The following CFAP299 variants were observed in gnomAD, a reference collection of about 807,000 sequenced individuals.
CFAP299 encodes the protein cilia and flagella associated protein 299, also known as cilia- and flagella-associated protein 299.
In CFAP299, 21 loss-of-function variants were observed where a neutral mutation model predicts 27.0. That is an observed-to-expected ratio of 0.78 (90% CI 0.55 to 1.12). CFAP299 has a LOEUF of 1.12. CFAP299 is among the 50% of genes most tolerant of loss of function. CFAP299 has a pLI of 0.00. For synonymous variants in CFAP299, 104 were observed against 98.1 expected, an observed-to-expected ratio of 1.06 and a Z score of -0.36; for missense variants, 310 against 276.6, an observed-to-expected ratio of 1.12 and a Z score of -0.86.
chr4:80,723,276 ATAC>A (rs1722944747), intron 3 of CFAP299, among the ~76,000 whole-genome samples: 1 of 152,234 alleles, frequency 6.6e-6, no homozygotes, highest in Admixed American at 6.5e-5. Context: ...ATATATGCTC[ATAC>A]AATGATTTGT....
chr4:80,687,670 T>C (rs1429723556), intron 3 of CFAP299, among the ~76,000 whole-genome samples: 3 of 152,150 alleles, frequency 2.0e-5, no homozygotes, highest in African/African-American at 7.2e-5. Context: ...GAGCAGGGCA[T>C]TCTGGAGGGA....
intron 3 of CFAP299, among the ~76,000 whole-genome samples, chr4:80,770,569 C>T (rs542952091): frequency 6.6e-6 from 1 of 152,300 alleles, no homozygotes; most frequent in East Asian, 1.9e-4. Flanking sequence ...TTCCAAACAT[C>T]CCCTCAAGAG....
At chr4:80,753,496 G>A (rs977439878) in intron 3 of CFAP299, among the ~76,000 whole-genome samples, 1 of 151,922 alleles carries the variant, frequency 6.6e-6, no homozygotes, top group Non-Finnish European at 1.5e-5. Context: ...TGTCATGATT[G>A]GTGTGCTCTG....
At chr4:80,536,524 A>G (rs1221493577) in intron 2 of CFAP299, among the ~76,000 whole-genome samples, 1 of 152,186 alleles carries the variant, frequency 6.6e-6, no homozygotes, top group African/African-American at 2.4e-5. Flanking sequence ...AGATATAAAA[A>G]TCAATGGAAG....
intron 4 of CFAP299, among the ~76,000 whole-genome samples, chr4:80,898,290 A>G (rs2110192675): frequency 6.6e-6 from 1 of 152,204 alleles, no homozygotes; most frequent in East Asian, 1.9e-4. Context: ...GGGATGGGGC[A>G]GGATGGCAAT....
intron 1 of CFAP299, among the ~76,000 whole-genome samples, chr4:80,345,789 C>T (rs1219374010): frequency 6.6e-6 from 1 of 152,144 alleles, no homozygotes; most frequent in Non-Finnish European, 1.5e-5. Flanking sequence ...GGTATGTACC[C>T]AGTAATGGGA....
the CFAP299 span, among the ~76,000 whole-genome samples, chr4:80,327,690 T>TTATA: frequency 0.037 from 1,902 of 50,794 alleles, 106 homozygotes; most frequent in African/African-American, 0.058. Flanking sequence ...TAGAGAGAAG[T>TTATA]TATATATATA....
chr4:80,675,297 G>A (rs1719364589), intron 3 of CFAP299, among the ~76,000 whole-genome samples: 2 of 152,192 alleles, frequency 1.3e-5, no homozygotes, highest in African/African-American at 4.8e-5. Flanking sequence ...CTGCAGGTCT[G>A]TTGGAGTTTG....
At chr4:80,918,675 C>T (rs1183309657) in intron 4 of CFAP299, among the ~76,000 whole-genome samples, 4 of 151,968 alleles carry the variant, frequency 2.6e-5, no homozygotes, top group African/African-American at 7.2e-5. Context: ...ATATTTGTTG[C>T]CGATCATATC....
At chr4:80,675,984 C>T (rs11722707) in intron 3 of CFAP299, among the ~76,000 whole-genome samples, 118 of 152,280 alleles carry the variant, frequency 7.7e-4, no homozygotes, top group Middle Eastern at 3.4e-3. Context: ...TCCCCCAACC[C>T]CTTGTGCTTC....
At chr4:80,800,264 A>C (rs1728364525) in intron 3 of CFAP299, among the ~76,000 whole-genome samples, 1 of 66,410 alleles carries the variant, frequency 1.5e-5, no homozygotes, top group Non-Finnish European at 2.4e-5. Flanking sequence ...TATTATATAA[A>C]TAAAATATAT....
At chr4:80,372,830 TA>T (rs1487021918) in intron 2 of CFAP299, among the ~76,000 whole-genome samples, 1 of 152,184 alleles carries the variant, frequency 6.6e-6, no homozygotes, top group African/African-American at 2.4e-5. Context: ...GACAAAATTG[TA>T]AATACATGTT....
At chr4:80,485,365 C>A (rs1730761864) in intron 2 of CFAP299, among the ~76,000 whole-genome samples, 1 of 151,684 alleles carries the variant, frequency 6.6e-6, no homozygotes, top group Non-Finnish European at 1.5e-5. Context: ...AATCCAATTT[C>A]TCTAAGTCAA....
intron 2 of CFAP299, among the ~76,000 whole-genome samples, chr4:80,368,262 T>C (rs545959868): frequency 3.9e-5 from 6 of 152,328 alleles, no homozygotes; most frequent in Non-Finnish European, 8.8e-5. Flanking sequence ...AGATGCTGTA[T>C]ATACATGGAT....
chr4:80,821,964 T>G (rs945457687), intron 3 of CFAP299, among the ~76,000 whole-genome samples: 2 of 152,030 alleles, frequency 1.3e-5, no homozygotes, highest in Non-Finnish European at 2.9e-5. Flanking sequence ...GAGGGCCTGC[T>G]GACCTGCCAA....
At chr4:80,864,548 A>G (rs1438246313) in intron 3 of CFAP299, among the ~76,000 whole-genome samples, 4 of 147,866 alleles carry the variant, frequency 2.7e-5, no homozygotes, top group Non-Finnish European at 4.5e-5. Context: ...ATATATAGGT[A>G]TATATATATA....
At chr4:80,899,081 C>A (rs773945478) in intron 4 of CFAP299, among the ~76,000 whole-genome samples, 14 of 152,170 alleles carry the variant, frequency 9.2e-5, no homozygotes, top group Non-Finnish European at 1.8e-4. Context: ...TGATCTTGGG[C>A]AAGTTACTCA....
rs141963876 is a variant in CFAP299 at position 80,603,032 on chromosome 4, A to T, written c.333+19849A>T. On this transcript the variant is annotated intron_variant, in intron 3 of 5. Transcript: ENST00000358105. ...CCCATGACCCCATACTCCCAAAAGT[A>T]TAAGCAAATATTTATCTGCTTTTAG... 7.7e-4 allele frequency among the ~76,000 whole-genome samples: 117 copies of T among 152,300 alleles called. 1 individual carries two copies. The East Asian group carries it at 0.021, about 27-fold the overall frequency.
At chr4:80,364,445 A>AG (rs1723716215) in intron 2 of CFAP299, among the ~76,000 whole-genome samples, 1 of 152,110 alleles carries the variant, frequency 6.6e-6, no homozygotes, top group Non-Finnish European at 1.5e-5. Context: ...CCTCTTCAGA[A>AG]GGTTCTTTCC....
Sources: gnomAD v4.1 joint callset for allele counts (sites outside exome capture counted in the v4.1 genomes callset) on GRCh38, gnomAD v4.1.1 for gene constraint, MANE v1.5 for transcripts, NCBI Gene and HGNC (gene_info 2026-07-23, HGNC 2026-07-21) for gene names.